UNC5D: variants seen among roughly 807,000 people sequenced by gnomAD.
UNC5D encodes netrin receptor UNC5D.
A neutral mutation model predicts 105.4 loss-of-function variants in UNC5D; 39 were observed. The ratio of observed to expected loss-of-function variants is 0.37; its 90% CI spans 0.29 to 0.48. The LOEUF is 0.48. Ranked by LOEUF, UNC5D falls within the 20% of genes least tolerant of loss-of-function variation. The pLI, the probability that UNC5D is intolerant of heterozygous loss-of-function variation, is 0.98. For synonymous variants in UNC5D, 452 were observed against 450.4 expected (o/e 1.00, Z -0.04); for missense variants, 991 against 1,202.4 (o/e 0.82, Z 2.60).
chr8:35,324,452 T>C (rs970490216), intron 1 of UNC5D, among the ~76,000 whole-genome samples: 17 of 151,942 alleles, frequency 1.1e-4, no homozygotes, highest in Non-Finnish European at 2.5e-4. Flanking sequence ...GCTTTTTGAG[T>C]ATTTAAAATA....
intron 11 of UNC5D, among the ~76,000 whole-genome samples, chr8:35,733,985 AT>A (rs796178732): frequency 0.018 from 2,669 of 148,178 alleles, 59 homozygotes; most frequent in African/African-American, 0.052. Context: ...AAACCCAGTG[AT>A]TTTTTTTTTT....
intron 1 of UNC5D, among the ~76,000 whole-genome samples, chr8:35,304,642 G>C (rs530035800): frequency 1.5e-4 from 23 of 152,176 alleles, no homozygotes; most frequent in African/African-American, 5.3e-4. Context: ...AAAAAAAGAA[G>C]AGTGAATATT....
At chr8:35,534,204 G>A (rs1184542146) in intron 1 of UNC5D, among the ~76,000 whole-genome samples, 1 of 152,136 alleles carries the variant, frequency 6.6e-6, no homozygotes, top group Non-Finnish European at 1.5e-5. Context: ...GGAGGAAATG[G>A]TAATGTAGCA....
intron 1 of UNC5D, among the ~76,000 whole-genome samples, chr8:35,487,928 C>T (rs954801076): frequency 2.0e-5 from 3 of 152,080 alleles, no homozygotes; most frequent in Non-Finnish European, 2.9e-5. Flanking sequence ...GTGGAAGGTA[C>T]AATTTATGAG....
chr8:35,269,099 G>C (rs980309190), intron 1 of UNC5D, among the ~76,000 whole-genome samples: 8 of 152,114 alleles, frequency 5.3e-5, no homozygotes, highest in Admixed American at 5.2e-4. Context: ...TTAAGGTGAT[G>C]GATATCCCAG....
intron 1 of UNC5D, among the ~76,000 whole-genome samples, chr8:35,464,053 G>A (rs765506593): frequency 9.2e-5 from 14 of 152,080 alleles, no homozygotes; most frequent in Admixed American, 6.6e-4. Context: ...TCGGCCAGGC[G>A]CAGTAGCTCA....
chr8:35,616,544 T>C (rs1031150783), intron 4 of UNC5D, among the ~76,000 whole-genome samples: 1 of 152,176 alleles, frequency 6.6e-6, no homozygotes, highest in African/African-American at 2.4e-5. Flanking sequence ...TGCACTACTT[T>C]CAGCTTCTAG....
chr8:35,440,040 C>G (rs1423783981), intron 1 of UNC5D, among the ~76,000 whole-genome samples: 3 of 151,964 alleles, frequency 2.0e-5, no homozygotes, highest in African/African-American at 7.2e-5. Context: ...CTTTTCCCCC[C>G]ATAACCCACC....
chr8:35,695,250 T>C (rs181125963), intron 7 of UNC5D, among the ~76,000 whole-genome samples: 145 of 152,244 alleles, frequency 9.5e-4, no homozygotes, highest in African/African-American at 3.4e-3. Context: ...CTACTCTCCA[T>C]TTTCTATCCT....
intron 14 of UNC5D, among the ~76,000 whole-genome samples, chr8:35,765,681 C>T (rs537425430): frequency 4.6e-5 from 7 of 152,156 alleles, no homozygotes; most frequent in East Asian, 3.9e-4. Context: ...CATAAGGGCT[C>T]GGGAATAACT....
intron 1 of UNC5D, among the ~76,000 whole-genome samples, chr8:35,278,286 G>A (rs946605209): frequency 6.6e-6 from 1 of 152,104 alleles, no homozygotes; most frequent in African/African-American, 2.4e-5. Flanking sequence ...GTTACCTAAT[G>A]GCCAGTAGTG....
intron 1 of UNC5D, chr8:35,525,179 G>A (rs1486446721): frequency 6.2e-7 from 1 of 1,610,210 alleles, no homozygotes; most frequent in African/African-American, 1.3e-5. Flanking sequence ...TACGGACTCA[G>A]GATGACAGGG....
At position 35,437,049 on chromosome 8, in the gene UNC5D, C is replaced by T. The variant is rs551530237; in HGVS notation, c.104-112243C>T. On this transcript the variant is annotated intron_variant, in intron 1 of 16. Transcript: ENST00000404895. ...CAGTGTCTCACCATGTTTGTTGCCC[C>T]GGCTAGTCTCGAACCACTGGGCATA... Among the ~76,000 whole-genome samples the T allele has an allele frequency of 3.1e-4, 47 of 151,620 alleles. 1 individual carries two copies. The highest frequency in any genetic ancestry group is 2.5e-3 in the Admixed American group (38 of 15,190).
At chr8:35,366,421 C>T (rs1188284242) in intron 1 of UNC5D, among the ~76,000 whole-genome samples, 2 of 152,062 alleles carry the variant, frequency 1.3e-5, no homozygotes, top group African/African-American at 4.8e-5. Context: ...ACTCGGTCTT[C>T]AGGTCTCAGG....
intron 8 of UNC5D, among the ~76,000 whole-genome samples, chr8:35,710,517 G>A (rs935791155): frequency 2.6e-5 from 4 of 152,096 alleles, no homozygotes; most frequent in Admixed American, 1.3e-4. Context: ...CCAGACAGTC[G>A]AGAAGTCAGA....
At chr8:35,436,187 A>G (rs1487995442) in intron 1 of UNC5D, among the ~76,000 whole-genome samples, 2 of 151,946 alleles carry the variant, frequency 1.3e-5, no homozygotes, top group Admixed American at 6.6e-5. Context: ...TAATTTGTAA[A>G]TTTTGCATTT....
chr8:35,323,923 C>T (rs982656084), intron 1 of UNC5D, among the ~76,000 whole-genome samples: 5 of 152,002 alleles, frequency 3.3e-5, no homozygotes, highest in African/African-American at 7.2e-5. Context: ...TATATAGCTT[C>T]GGGACAAACA....
intron 8 of UNC5D, among the ~76,000 whole-genome samples, chr8:35,713,376 A>C (rs1488477978): frequency 6.6e-6 from 1 of 152,150 alleles, no homozygotes; most frequent in Non-Finnish European, 1.5e-5. Flanking sequence ...TTTTTTCTAG[A>C]GCTGGAGTTC....
chr8:35,540,606 A>C (rs1293515570), intron 1 of UNC5D, among the ~76,000 whole-genome samples: 1 of 152,134 alleles, frequency 6.6e-6, no homozygotes, highest in Non-Finnish European at 1.5e-5. Context: ...TTGACATCTT[A>C]CTTCAAAGTC....
Sources: allele counts gnomAD v4.1 joint callset (sites outside exome capture counted in the v4.1 genomes callset), GRCh38; gene constraint gnomAD v4.1.1; transcripts MANE v1.5; gene names NCBI Gene and HGNC (gene_info 2026-07-23, HGNC 2026-07-21).